Variants in MSI2 observed in about 807,000 individuals in gnomAD.
MSI2 encodes musashi RNA binding protein 2.
Under a neutral mutation model 45.6 loss-of-function variants are expected in MSI2, and 17 were observed. The ratio of observed to expected loss-of-function variants is 0.37; its 90% CI spans 0.26 to 0.56. The LOEUF (loss-of-function observed/expected upper bound fraction) is 0.56. Among genes scored for constraint, MSI2 ranks in the 20% least tolerant of loss-of-function variants. The pLI is 0.77. For synonymous variants in MSI2, 156 were observed against 158.2 expected, an observed-to-expected ratio of 0.99 and a Z score of 0.11; for missense variants, 293 against 444.2, an observed-to-expected ratio of 0.66 and a Z score of 3.06.
intron 5 of MSI2, among the ~76,000 whole-genome samples, chr17:57,356,946 G>A (rs565117765): frequency 6.6e-6 from 1 of 152,222 alleles, no homozygotes; most frequent in Admixed American, 6.5e-5. Flanking sequence ...TTGCTTATTC[G>A]TGTGCAAATT....
intron 6 of MSI2, among the ~76,000 whole-genome samples, chr17:57,525,761 C>G (rs1460707599): frequency 1.3e-5 from 2 of 152,236 alleles, no homozygotes; most frequent in Non-Finnish European, 2.9e-5. Context: ...TCAGACACCT[C>G]TTGTCCTTCT....
intron 5 of MSI2, among the ~76,000 whole-genome samples, chr17:57,296,205 T>G (rs1329095800): frequency 6.6e-6 from 1 of 152,084 alleles, no homozygotes; most frequent in African/African-American, 2.4e-5. Flanking sequence ...AGACAGTTAA[T>G]GGTGTGTGAC....
intron 5 of MSI2, among the ~76,000 whole-genome samples, chr17:57,297,713 A>G (rs1351717219): frequency 1.3e-5 from 2 of 152,174 alleles, no homozygotes; most frequent in Non-Finnish European, 2.9e-5. Flanking sequence ...GATTGCAGTC[A>G]GTCCTCTCAA....
chr17:57,572,083 C>A (rs149758025), intron 7 of MSI2, among the ~76,000 whole-genome samples: 257 of 152,286 alleles, frequency 1.7e-3, no homozygotes, highest in African/African-American at 5.8e-3. Flanking sequence ...ATCAATGGAT[C>A]GTAGCCAAGT....
At chr17:57,287,696 G>A (rs1193747674) in intron 5 of MSI2, among the ~76,000 whole-genome samples, 2 of 152,172 alleles carry the variant, frequency 1.3e-5, no homozygotes, top group East Asian at 1.9e-4. Context: ...TGAAACCTTC[G>A]CAAACTGCAC....
At chr17:57,332,923 G>T (rs916993976) in intron 5 of MSI2, among the ~76,000 whole-genome samples, 2 of 152,146 alleles carry the variant, frequency 1.3e-5, no homozygotes, top group African/African-American at 4.8e-5. Context: ...TACTCGGGAG[G>T]CTGAGGCAGG....
intron 6 of MSI2, among the ~76,000 whole-genome samples, chr17:57,422,153 G>T (rs1286163594): frequency 6.6e-6 from 1 of 152,040 alleles, no homozygotes; most frequent in Non-Finnish European, 1.5e-5. Flanking sequence ...GGTACTACAC[G>T]AACTGCTTTT....
intron 6 of MSI2, among the ~76,000 whole-genome samples, chr17:57,439,689 G>C (rs558421122): frequency 1.3e-5 from 2 of 152,120 alleles, no homozygotes; most frequent in Admixed American, 1.3e-4. Flanking sequence ...CTCCTGAGTA[G>C]CTGGGATTAC....
intron 11 of MSI2, among the ~76,000 whole-genome samples, chr17:57,667,582 G>A (rs781440728): frequency 6.6e-6 from 1 of 152,152 alleles, no homozygotes; most frequent in Non-Finnish European, 1.5e-5. Flanking sequence ...CCTTCCCGGG[G>A]CCCTCCGCAC....
intron 5 of MSI2, among the ~76,000 whole-genome samples, chr17:57,332,195 G>A (rs1039595046): frequency 5.9e-5 from 9 of 151,618 alleles, no homozygotes; most frequent in Middle Eastern, 3.4e-3. Flanking sequence ...CCACCTCCGC[G>A]GTTCAAGCAA....
intron 11 of MSI2, among the ~76,000 whole-genome samples, chr17:57,669,892 C>T (rs1444067866): frequency 6.6e-6 from 1 of 152,166 alleles, no homozygotes; most frequent in Admixed American, 6.5e-5. Context: ...GGGGCCACTG[C>T]GGTCTTCTGC....
chr17:57,446,520 G>A (rs1309700085), intron 6 of MSI2, among the ~76,000 whole-genome samples: 1 of 152,204 alleles, frequency 6.6e-6, no homozygotes, highest in East Asian at 1.9e-4. Context: ...CAATGTTAAA[G>A]GTGCCAAGCA....
At chr17:57,330,437 G>C (rs555705428) in intron 5 of MSI2, among the ~76,000 whole-genome samples, 1 of 151,560 alleles carries the variant, frequency 6.6e-6, no homozygotes, top group Non-Finnish European at 1.5e-5. Flanking sequence ...GGTGCTTGCC[G>C]CCGGCTAATT....
intron 5 of MSI2, among the ~76,000 whole-genome samples, chr17:57,281,506 T>G (rs915075896): frequency 1.4e-4 from 21 of 152,308 alleles, no homozygotes; most frequent in Non-Finnish European, 2.4e-4. Context: ...AAATTGGTAT[T>G]GCCACTCTCC....
intron 6 of MSI2, among the ~76,000 whole-genome samples, chr17:57,428,684 A>G (rs1336782670): frequency 1.3e-5 from 2 of 152,220 alleles, no homozygotes; most frequent in Admixed American, 1.3e-4. Flanking sequence ...TTAGCTGAGT[A>G]GCAAAAAGCT....
At chr17:57,262,852 C>T (rs1024684797) in intron 5 of MSI2, among the ~76,000 whole-genome samples, 2 of 152,150 alleles carry the variant, frequency 1.3e-5, no homozygotes, top group Non-Finnish European at 2.9e-5. Context: ...AGAAGTGTGT[C>T]GTTAACATAG....
chr17:57,366,809 A>G (rs1465438124), intron 5 of MSI2, among the ~76,000 whole-genome samples: 1 of 152,106 alleles, frequency 6.6e-6, no homozygotes. Context: ...TTGAAATTGC[A>G]CGTAATTTAC....
chr17:57,386,425 A>G (rs1372796845), intron 5 of MSI2, among the ~76,000 whole-genome samples: 1 of 152,154 alleles, frequency 6.6e-6, no homozygotes, highest in East Asian at 1.9e-4. Flanking sequence ...AACCTAGAAT[A>G]ATCCACAGAG....
At chr17:57,615,354 G>A (rs756464013) in intron 8 of MSI2, among the ~76,000 whole-genome samples, 11 of 151,870 alleles carry the variant, frequency 7.2e-5, no homozygotes, top group Non-Finnish European at 1.5e-4. Context: ...GATCTGAAAC[G>A]CCTGGGCTCA....
Sources: gnomAD v4.1 joint callset for allele counts (sites outside exome capture counted in the v4.1 genomes callset) on GRCh38, gnomAD v4.1.1 for gene constraint, MANE v1.5 for transcripts, NCBI Gene and HGNC (gene_info 2026-07-23, HGNC 2026-07-21) for gene names.